The following TEX15 variants were observed in gnomAD, a reference collection of about 807,000 sequenced individuals.
TEX15 encodes the protein testis-expressed protein 15.
In TEX15, 171 loss-of-function variants were observed where a neutral mutation model predicts 237.3. That is an observed-to-expected ratio of 0.72 (90% CI 0.64 to 0.82). The LOEUF is 0.82. TEX15 is among the 40% of genes least tolerant of loss of function. TEX15 has a pLI of 0.00. For missense variants in TEX15, 3,750 were observed against 3,646.5 expected (o/e 1.03, Z -0.73); for synonymous variants, 1,338 against 1,269.8 (o/e 1.05, Z -1.14).
chr8:30,908,015 G>T (rs796856552), intron 1 of TEX15, among the ~76,000 whole-genome samples: 8 of 152,082 alleles, frequency 5.3e-5, no homozygotes, highest in African/African-American at 1.9e-4. Context: ...AGGCTCAAGT[G>T]ATCCTCCCAC....
At position 30,892,994 on chromosome 8, in the gene TEX15, C is replaced by T. The variant is rs539076765; in HGVS notation, c.-9-5683G>A. ...CTTGCAGTGAGCCGAGATTGTGCCACTGCACTCCAGCCTGGGCGACAGAGC... is the reference window on the plus strand; with the variant it reads ...CTTGCAGTGAGCCGAGATTGTGCCATTGCACTCCAGCCTGGGCGACAGAGC... On this transcript the variant is annotated intron_variant, in intron 2 of 10. Transcript: ENST00000643185. Among the ~76,000 whole-genome samples, 8 of 147,654 alleles carry T rather than the reference C, an allele frequency of 5.4e-5. 1 individual carries two copies. The South Asian group carries it at 1.7e-3, about 31-fold the overall frequency.
chr8:30,890,582 T>C (rs950893340), intron 2 of TEX15: 3 of 152,204 alleles, frequency 2.0e-5, no homozygotes, highest in Admixed American at 6.5e-5. Context: ...TTGCGGTTCA[T>C]GACTCACGTG....
intron 1 of TEX15, among the ~76,000 whole-genome samples, chr8:30,903,453 A>T (rs1219252751): frequency 1.3e-5 from 2 of 152,228 alleles, no homozygotes; most frequent in Admixed American, 6.5e-5. Context: ...TTCCACAAAA[A>T]GGCCAAGGTC....
At chr8:30,863,068 G>T (rs538729879) in intron 5 of TEX15, among the ~76,000 whole-genome samples, 4 of 152,082 alleles carry the variant, frequency 2.6e-5, no homozygotes, top group Non-Finnish European at 5.9e-5. Context: ...ACTTTCAGGG[G>T]AACGCTTGAA....
chr8:30,904,400 T>C (rs1258587860), intron 1 of TEX15, among the ~76,000 whole-genome samples: 1 of 144,148 alleles, frequency 6.9e-6, no homozygotes, highest in Admixed American at 7.3e-5. Flanking sequence ...TGAGCCAACA[T>C]GGTGCCACTT....
Position 30,838,024 on chromosome 8 carries a change from C to T in TEX15, c.8260G>A (p.Val2754Ile), listed in dbSNP as rs573676386. Residue 2754 changes from valine to isoleucine, a missense_variant, in exon 10 of 11, where the codon GTA becomes ATA. Coordinates refer to ENST00000643185, the MANE Select transcript of TEX15 (RefSeq NM_001350162.2). Reference protein sequence around the residue: ...GSHPKSENKIVPSSCDSLKRN... With the variant: ...GSHPKSENKIIPSSCDSLKRN... ...TTCAGACTGTCACATGAACTTGGTA[C>T]TATTTTGTTTTCGCTTTTGGGATGA... 1.9e-6 allele frequency: 3 copies of T among 1,612,990 alleles called. No homozygotes were observed. The highest frequency in any genetic ancestry group is 1.1e-5 in the South Asian group (1 of 90,696).
chr8:30,868,746 T>C (rs1337597555), intron 4 of TEX15, among the ~76,000 whole-genome samples: 1 of 152,018 alleles, frequency 6.6e-6, no homozygotes, highest in Non-Finnish European at 1.5e-5. Flanking sequence ...CTGTCTAAGA[T>C]TCTTACACTA....
In TEX15 at chr8:30,847,457, C is replaced by T. The variant is rs997939020; in HGVS notation, c.2710G>A (p.Asp904Asn). 1.2e-6 allele frequency: 2 copies of T among 1,610,426 alleles called. No homozygotes were observed. Among genetic ancestry groups the T allele is most frequent in the Admixed American group, 1.7e-5 (1 of 59,424 alleles). ...ENFSNIDEKE[D>N]KNYHNIEILS... ...ATTTCTATATTGTGGTAATTTTTGT[C>T]CTCCTTTTCATCTATATTGCTGAAA... The change falls in exon 8 of 11, where the codon GAC (aspartate) becomes AAC (asparagine). Residue 904 changes from aspartate to asparagine, a missense_variant. Coordinates refer to ENST00000643185, the MANE Select transcript of TEX15 (RefSeq NM_001350162.2).
intron 5 of TEX15, 63 bp downstream of exon 5, chr8:30,867,202 A>G (rs1808191373): frequency 4.5e-6 from 3 of 667,394 alleles, no homozygotes; most frequent in South Asian, 4.4e-5. Flanking sequence ...CGAAAGGATA[A>G]TATGTTCAGG....
At position 30,843,975 on chromosome 8, in the gene TEX15, T is replaced by C. The variant is rs1221420667; in HGVS notation, c.6192A>G (p.Thr2064=). 2 of 1,613,148 alleles carry C rather than the reference T, an allele frequency of 1.2e-6. No homozygotes were observed. Among genetic ancestry groups the C allele is most frequent in the Non-Finnish European group, 8.5e-7 (1 of 1,179,628 alleles). The change falls in exon 8 of 11, where the codon ACA becomes ACG. Residue 2064 remains threonine (T), a synonymous_variant. Coordinates refer to ENST00000643185, the MANE Select transcript of TEX15 (RefSeq NM_001350162.2). ...AAGTGTCAACAGCACATGGTTTTAA[T>C]GTGTGTTTGCAATTATTCCACAGGT... ...DQNLWNNCKH[T]LKPCAVDTLV...
chr8:30,842,020 C>T lies in TEX15; in HGVS notation c.8147G>A (p.Ser2716Asn), dbSNP rs1334400471. The change falls in exon 8 of 11, where the codon AGT (serine) becomes AAT (asparagine). Residue 2716 changes from serine to asparagine, a missense_variant. Ser to Asn is a conservative substitution (Grantham distance 46, BLOSUM62 1). Coordinates refer to ENST00000643185, the MANE Select transcript of TEX15 (RefSeq NM_001350162.2). ...CATACATACCTTTAGCTTTTTACAA[C>T]TGGAAACAGTAGTATCTTGCTGTTG... is the stretch of plus-strand genomic sequence containing the variant. ...QEQQQDTTVSSCKKLKVDMKD... is the reference protein window; with the variant it reads ...QEQQQDTTVSNCKKLKVDMKD... 2 of 1,582,450 alleles carry T rather than the reference C, an allele frequency of 1.3e-6. No homozygotes were observed. Among genetic ancestry groups the T allele is most frequent in the African/African-American group, 1.4e-5 (1 of 73,156 alleles).
chr8:30,835,204 A>G (rs1459548288), intron 10 of TEX15, among the ~76,000 whole-genome samples: 3 of 151,936 alleles, frequency 2.0e-5, no homozygotes, highest in African/African-American at 7.3e-5. Flanking sequence ...TCCCGGGTTC[A>G]AGTGATTCTC....
At chr8:30,895,715 T>C (rs550669109) in intron 2 of TEX15, among the ~76,000 whole-genome samples, 70 of 128,198 alleles carry the variant, frequency 5.5e-4, no homozygotes, top group Non-Finnish European at 8.0e-4. Flanking sequence ...AGAGTCTCAC[T>C]GTGTCCCCAG....
rs1283150012 is a variant in TEX15 at position 30,884,681 on chromosome 8, C to T, written c.136+2486G>A. Among the ~76,000 whole-genome samples, 3 of 152,258 alleles carry T rather than the reference C, an allele frequency of 2.0e-5. No individual in the cohort carries two copies. The East Asian group carries it at 5.8e-4, about 29-fold the overall frequency. On this transcript the variant is annotated intron_variant, in intron 3 of 10. Coordinates refer to ENST00000643185, the MANE Select transcript of TEX15 (RefSeq NM_001350162.2). ...CCCATAGGATCTGTAGTGATGTCCT[C>T]TCTTGATTTCTGATATCAGTAATCT... is the stretch of plus-strand genomic sequence containing the variant.
In TEX15 at chr8:30,847,512, G is replaced by A. The variant is rs370506784; in HGVS notation, c.2655C>T (p.Asp885=). The A allele has an allele frequency of 3.4e-5, 55 of 1,612,766 alleles. No homozygotes were observed. The highest frequency in any genetic ancestry group is 3.7e-5 in the Non-Finnish European group (44 of 1,179,766). ...CGTTTGTATGAGAATCCTGCTTTTTGTCTCCATATATGTTCTCTATGTTGT... is the reference window on the plus strand; with the variant it reads ...CGTTTGTATGAGAATCCTGCTTTTTATCTCCATATATGTTCTCTATGTTGT... The part of the protein sequence containing the change: ...VENNIENIYG[D]KKQDSHTNEN... Residue 885 remains aspartate (D), a synonymous_variant, in exon 8 of 11, where the codon GAC becomes GAT. Coordinates refer to ENST00000643185, the MANE Select transcript of TEX15 (RefSeq NM_001350162.2).
chr8:30,846,984 A>G lies in TEX15; in HGVS notation c.3183T>C (p.Ile1061=). 1 of 1,613,626 alleles carries G rather than the reference A, an allele frequency of 6.2e-7. No homozygotes were observed. The highest frequency in any genetic ancestry group is 8.5e-7 in the Non-Finnish European group (1 of 1,179,672). The change falls in exon 8 of 11, where the codon ATT becomes ATC. Residue 1061 remains isoleucine, a synonymous_variant. Transcript: ENST00000643185. ...VLQSIELESE[I]EIELEDCDDA... Reference sequence around the variant, plus strand: ...CATCACAATCTTCTAATTCTATTTCAATTTCACTTTCCAATTCAATGCTCT... The same window carrying G: ...CATCACAATCTTCTAATTCTATTTCGATTTCACTTTCCAATTCAATGCTCT...
rs148862989 is a variant in TEX15 at position 30,845,224 on chromosome 8, T to C, written c.4943A>G (p.Asp1648Gly). 296 of 1,613,424 alleles carry C rather than the reference T, an allele frequency of 1.8e-4. No homozygotes were observed. Among genetic ancestry groups the C allele is most frequent in the Non-Finnish European group, 2.3e-4 (277 of 1,179,552 alleles). Residue 1648 changes from aspartate to glycine, a missense_variant, in exon 8 of 11, where the codon GAC (aspartate) becomes GGC (glycine). Asp to Gly is a moderately conservative substitution (Grantham distance 94). Coordinates refer to ENST00000643185, the MANE Select transcript of TEX15 (RefSeq NM_001350162.2). The part of the protein sequence containing the change: ...TCIGHTKAKT[D>G]VLISVLDSNV... ...TGAATCTAAGACTGATATAAGTACG[T>C]CAGTTTTCGCCTTTGTGTGACCTAT...
intron 3 of TEX15, among the ~76,000 whole-genome samples, chr8:30,884,885 T>A (rs1031244166): frequency 6.6e-6 from 1 of 152,174 alleles, no homozygotes; most frequent in African/African-American, 2.4e-5. Flanking sequence ...TAATTTGTCC[T>A]CTTTTTTCTA....
chr8:30,911,290 C>A (rs1213867300), intron 1 of TEX15, among the ~76,000 whole-genome samples: 2 of 152,016 alleles, frequency 1.3e-5, no homozygotes, highest in African/African-American at 2.4e-5. Context: ...AGCTAATTTT[C>A]GTATTTTTTG....
Sources: allele counts gnomAD v4.1 joint callset (sites outside exome capture counted in the v4.1 genomes callset), GRCh38; gene constraint gnomAD v4.1.1; transcripts MANE v1.5; gene names NCBI Gene and HGNC (gene_info 2026-07-23, HGNC 2026-07-21).